Variants in RERE observed in about 807,000 individuals in gnomAD.
RERE encodes the protein arginine-glutamic acid dipeptide repeats, also known as arginine-glutamic acid dipeptide repeats protein.
In RERE, 40 loss-of-function variants were observed where a neutral mutation model predicts 146.1. The ratio of observed to expected loss-of-function variants is 0.27; its 90% confidence interval spans 0.21 to 0.36. The LOEUF (loss-of-function observed/expected upper bound fraction) is 0.36. RERE is among the 10% of genes least tolerant of loss of function. The pLI is 1.00. For synonymous variants in RERE, 1,003 were observed against 866.0 expected, an observed-to-expected ratio of 1.16 and a Z score of -2.78; for missense variants, 1,933 against 2,138.7, an observed-to-expected ratio of 0.90 and a Z score of 1.90.
intron 1 of RERE, among the ~76,000 whole-genome samples, chr1:8,813,614 C>CT (rs34918730): frequency 0.019 from 2,267 of 121,112 alleles, 59 homozygotes; most frequent in African/African-American, 0.053. Flanking sequence ...CTATTTTTTC[C>CT]TTTTTTTTTT....
intron 2 of RERE, among the ~76,000 whole-genome samples, chr1:8,644,627 A>T (rs925120221): frequency 6.6e-6 from 1 of 152,204 alleles, no homozygotes; most frequent in Non-Finnish European, 1.5e-5. Flanking sequence ...AATCACCATT[A>T]GCCTATGTAT....
chr1:8,366,541 C>T (rs761953814), intron 12 of RERE, among the ~76,000 whole-genome samples: 34 of 152,228 alleles, frequency 2.2e-4, no homozygotes, highest in African/African-American at 7.7e-4. Flanking sequence ...GAACAGAGAC[C>T]GCATGCTCAG....
At chr1:8,510,081 AAGG>A (rs949014912) in intron 7 of RERE, among the ~76,000 whole-genome samples, 7 of 152,108 alleles carry the variant, frequency 4.6e-5, no homozygotes, top group Non-Finnish European at 8.8e-5. Context: ...GGAGGAAGAC[AAGG>A]AGGAGGAGGA....
At chr1:8,556,181 A>G (rs1006443719) in intron 6 of RERE, among the ~76,000 whole-genome samples, 1 of 152,134 alleles carries the variant, frequency 6.6e-6, no homozygotes, top group Non-Finnish European at 1.5e-5. Context: ...ATACTTCAGC[A>G]AACAATACCA....
intron 13 of RERE, among the ~76,000 whole-genome samples, chr1:8,365,102 C>T (rs1641750190): frequency 6.6e-6 from 1 of 152,270 alleles, no homozygotes; most frequent in Non-Finnish European, 1.5e-5. Context: ...GCCACTGATG[C>T]CCGTAACGGG....
intron 8 of RERE, among the ~76,000 whole-genome samples, chr1:8,500,230 A>G (rs1321848749): frequency 1.3e-5 from 2 of 152,254 alleles, no homozygotes; most frequent in Admixed American, 6.5e-5. Context: ...CGAGTACAGT[A>G]CTGGGTACAG....
At chr1:8,754,009 C>A (rs1357870721) in intron 1 of RERE, among the ~76,000 whole-genome samples, 3 of 152,052 alleles carry the variant, frequency 2.0e-5, no homozygotes, top group African/African-American at 7.2e-5. Context: ...AATCATATAC[C>A]CCTAATTCTG....
chr1:8,680,754 G>A lies in RERE; in HGVS notation c.-144-24313C>T, dbSNP rs116393008. ...AAAAGAATTGTACCTCCTCAACTCC[G>A]TTTCAGAGTATAATAAACCTTACCA... On this transcript the variant is annotated intron_variant, in intron 1 of 22. Coordinates refer to ENST00000400908, the MANE Select transcript of RERE (RefSeq NM_001042681.2). 1.2e-4 allele frequency among the ~76,000 whole-genome samples: 18 copies of A among 152,206 alleles called. No individual in the cohort carries two copies. The East Asian group carries it at 2.1e-3, about 18-fold the overall frequency.
At chr1:8,392,473 T>C (rs1367214841) in intron 12 of RERE, among the ~76,000 whole-genome samples, 1 of 152,228 alleles carries the variant, frequency 6.6e-6, no homozygotes, top group African/African-American at 2.4e-5. Flanking sequence ...CAAAACTTTT[T>C]CCTCTCCCCT....
chr1:8,606,545 A>C (rs1192659614), intron 4 of RERE, among the ~76,000 whole-genome samples: 2 of 152,198 alleles, frequency 1.3e-5, no homozygotes, highest in Non-Finnish European at 2.9e-5. Flanking sequence ...TCAGCTATTA[A>C]GTTTTAATCA....
intron 1 of RERE, among the ~76,000 whole-genome samples, chr1:8,762,650 G>A (rs976101717): frequency 2.6e-5 from 4 of 152,100 alleles, no homozygotes; most frequent in Non-Finnish European, 4.4e-5. Flanking sequence ...CTCAGCTTTG[G>A]TCCTTCTGGA....
At chr1:8,565,532 C>A (rs1646143477) in intron 4 of RERE, among the ~76,000 whole-genome samples, 1 of 152,068 alleles carries the variant, frequency 6.6e-6, no homozygotes, top group Non-Finnish European at 1.5e-5. Context: ...CATGGTGAAA[C>A]CCTGTCTCTA....
chr1:8,603,716 A>C (rs938178331), intron 4 of RERE, among the ~76,000 whole-genome samples: 1 of 152,160 alleles, frequency 6.6e-6, no homozygotes, highest in Non-Finnish European at 1.5e-5. Context: ...AAGTTTCAAA[A>C]ACATGAAAGA....
rs371606985 is a variant in RERE, at chr1:8,462,344, G to A, written c.1203+3581C>T. On this transcript the variant is annotated intron_variant, in intron 11 of 22. Coordinates refer to ENST00000400908, the MANE Select transcript of RERE (RefSeq NM_001042681.2). ...ATCAACTCAGAAATAAGACCGCAAG[G>A]AATGAAGAGCTGGGGATCAGAAGTC... Among the ~76,000 whole-genome samples, 5 of 152,358 alleles carry A rather than the reference G, an allele frequency of 3.3e-5. No homozygotes were observed. The East Asian group carries it at 9.6e-4, about 29-fold the overall frequency.
chr1:8,517,978 A>C (rs1645443286), intron 7 of RERE, among the ~76,000 whole-genome samples: 1 of 152,194 alleles, frequency 6.6e-6, no homozygotes, highest in African/African-American at 2.4e-5. Flanking sequence ...CTGTGAGAAG[A>C]GCATGCCTGC....
intron 4 of RERE, among the ~76,000 whole-genome samples, chr1:8,570,243 A>T (rs1646203579): frequency 6.6e-6 from 1 of 152,124 alleles, no homozygotes; most frequent in Non-Finnish European, 1.5e-5. Flanking sequence ...AGGCTGAGGC[A>T]GGAGAATTGC....
intron 4 of RERE, among the ~76,000 whole-genome samples, chr1:8,605,787 A>ATAATAGAT (rs1449826764): frequency 7.0e-6 from 1 of 143,418 alleles, no homozygotes; most frequent in African/African-American, 2.6e-5. Flanking sequence ...AAAAAAAGTG[A>ATAATAGAT]TAATAGATTA....
intron 1 of RERE, among the ~76,000 whole-genome samples, chr1:8,814,060 T>C (rs1410102209): frequency 6.6e-6 from 1 of 152,226 alleles, no homozygotes; most frequent in Non-Finnish European, 1.5e-5. Flanking sequence ...AAAACACTGA[T>C]GGAGAATATA....
intron 8 of RERE, among the ~76,000 whole-genome samples, chr1:8,508,118 T>C (rs1645281802): frequency 6.6e-6 from 1 of 152,204 alleles, no homozygotes; most frequent in African/African-American, 2.4e-5. Context: ...GTACATACAA[T>C]GGGTCATTTA....
Sources: allele counts gnomAD v4.1 joint callset (sites outside exome capture counted in the v4.1 genomes callset), GRCh38; gene constraint gnomAD v4.1.1; transcripts MANE v1.5; gene names NCBI Gene and HGNC (gene_info 2026-07-23, HGNC 2026-07-21).